Variants in TJP1 observed in about 807,000 individuals in gnomAD.
TJP1 encodes the protein tight junction protein ZO-1.
In TJP1, 43 loss-of-function variants were observed where a neutral mutation model predicts 194.2. That is an observed-to-expected ratio of 0.22 (90% CI 0.17 to 0.29). The LOEUF (loss-of-function observed/expected upper bound fraction) is 0.29. Among genes scored for constraint, TJP1 ranks in the 10% least tolerant of loss-of-function variants. TJP1 has a pLI of 1.00. For missense variants in TJP1, 1,971 were observed against 2,185.7 expected, an observed-to-expected ratio of 0.90 and a Z score of 1.96; for synonymous variants, 801 against 779.0, an observed-to-expected ratio of 1.03 and a Z score of -0.47.
At chr15:29,887,570 G>A (rs1267288864) in intron 2 of TJP1, among the ~76,000 whole-genome samples, 1 of 151,682 alleles carries the variant, frequency 6.6e-6, no homozygotes, top group Non-Finnish European at 1.5e-5. Flanking sequence ...CAAAGTGCTG[G>A]GATTACAGGC....
rs918053836 is a variant in TJP1 at position 29,731,097 on chromosome 15, T to TA, written c.2017+1335dup. On this transcript the variant is annotated intron_variant, in intron 15 of 27. Transcript: ENST00000614355. ...TGTTTTACTTTTTTTTTTTTTTTTT[T>TA]AAGCTATGTTGTTCGCACACAGAAC... The TA allele has an allele frequency of 9.4e-6, 6 of 638,532 alleles. No homozygotes were observed. The African/African-American group carries it at 1.1e-4, about 12-fold the overall frequency. The allele number at this position is 638,532 out of a possible 1,614,324, so 39.6% of individuals were successfully genotyped here.
chr15:29,967,079 C>A (rs535081768), intron 1 of TJP1, among the ~76,000 whole-genome samples: 3 of 150,902 alleles, frequency 2.0e-5, no homozygotes, highest in Non-Finnish European at 4.4e-5. Context: ...AGTGGCATGA[C>A]CTTGGCTCAC....
intron 2 of TJP1, among the ~76,000 whole-genome samples, chr15:29,793,918 G>A (rs955131156): frequency 1.3e-5 from 2 of 152,146 alleles, no homozygotes; most frequent in Admixed American, 1.3e-4. Flanking sequence ...TTGCATCTCT[G>A]TTCAAAGATA....
intron 2 of TJP1, among the ~76,000 whole-genome samples, chr15:29,851,293 A>G (rs528720799): frequency 1.3e-5 from 2 of 152,156 alleles, no homozygotes; most frequent in Non-Finnish European, 2.9e-5. Context: ...AAAATAAGGG[A>G]TATCACTACA....
intron 2 of TJP1, among the ~76,000 whole-genome samples, chr15:29,777,528 T>C (rs7495511): frequency 0.62 from 94,225 of 151,922 alleles, 30,728 homozygotes; most frequent in East Asian, 0.73. Flanking sequence ...ACAAAAGATA[T>C]ATGAGATGTT....
intron 18 of TJP1, among the ~76,000 whole-genome samples, chr15:29,725,433 A>T (rs758099407): frequency 1.3e-5 from 2 of 152,186 alleles, no homozygotes; most frequent in Non-Finnish European, 2.9e-5. Flanking sequence ...CAGGCAGAGG[A>T]AGGTAGGGAC....
At chr15:29,885,588 C>T (rs2053089059) in intron 2 of TJP1, among the ~76,000 whole-genome samples, 1 of 152,210 alleles carries the variant, frequency 6.6e-6, no homozygotes, top group Non-Finnish European at 1.5e-5. Flanking sequence ...ACACTAAAAC[C>T]TGATAAACAA....
chr15:29,708,869 C>A lies in TJP1; in HGVS notation c.4540G>T (p.Glu1514Ter). ...GGAGTGACTGTTTTCTGAGTCTGTT[C>A]AGTTCCATTAACTGGGGCTTTATCT... ...FPDKAPVNGT[E>*]QTQKTVTPAY... Residue 1514 changes from glutamate to a stop codon, truncating the protein, a stop_gained, in exon 25 of 28, where the codon GAA (glutamate) becomes TAA (stop). Coordinates refer to ENST00000614355, the MANE Select transcript of TJP1 (RefSeq NM_001330239.4). LOFTEE classifies it high-confidence loss of function. 6.2e-7 allele frequency: 1 copy of A among 1,614,104 alleles called. No individual in the cohort carries two copies. Among genetic ancestry groups the A allele is most frequent in the Non-Finnish European group, 8.5e-7 (1 of 1,180,028 alleles).
chr15:29,786,122 C>T lies in TJP1; in HGVS notation c.85-12765G>A, dbSNP rs528995001. The stretch of plus-strand genomic sequence containing the variant: ...TACCAACTTGGTAGTTCTCAAAATG[C>T]TGTTCAATCTTCTATGACTGTCAGA... On this transcript the variant is annotated intron_variant, in intron 2 of 27. Transcript: ENST00000614355. Among the ~76,000 whole-genome samples the T allele has an allele frequency of 2.6e-5, 4 of 152,310 alleles. No individual in the cohort carries two copies. In the East Asian group the frequency reaches 5.8e-4, roughly 22 times the overall value.
chr15:29,745,302 G>GA (rs55694243), intron 8 of TJP1, among the ~76,000 whole-genome samples: 31,713 of 135,790 alleles, frequency 0.23, 4,892 homozygotes, highest in African/African-American at 0.45. Flanking sequence ...CCAAAATATT[G>GA]AAAAAAAAAA....
chr15:29,748,967 C>T (rs1222904474), intron 8 of TJP1, among the ~76,000 whole-genome samples: 1 of 11,680 alleles, frequency 8.6e-5, no homozygotes, highest in African/African-American at 1.3e-4. Flanking sequence ...CGTGTGTGCG[C>T]GCGCGCGTTT....
At chr15:29,871,717 C>T (rs927449659) in intron 2 of TJP1, among the ~76,000 whole-genome samples, 2 of 152,346 alleles carry the variant, frequency 1.3e-5, no homozygotes, top group South Asian at 4.1e-4. Flanking sequence ...CTAACGTCAT[C>T]GGACTGCAGC....
chr15:29,855,271 G>A (rs778240270), intron 2 of TJP1, among the ~76,000 whole-genome samples: 5 of 152,186 alleles, frequency 3.3e-5, no homozygotes, highest in Admixed American at 6.5e-5. Flanking sequence ...TTGAGTAACT[G>A]TAAGGTACAA....
intron 2 of TJP1, among the ~76,000 whole-genome samples, chr15:29,862,544 C>T (rs1279777414): frequency 1.3e-5 from 2 of 151,718 alleles, no homozygotes; most frequent in Non-Finnish European, 2.9e-5. Context: ...TAAGTTGAGG[C>T]AAAAGGAAAG....
intron 2 of TJP1, among the ~76,000 whole-genome samples, chr15:29,941,314 A>T (rs1225097768): frequency 6.6e-6 from 1 of 152,130 alleles, no homozygotes; most frequent in East Asian, 1.9e-4. Context: ...CTGACTGCCT[A>T]TGCACTGGTG....
intron 2 of TJP1, among the ~76,000 whole-genome samples, chr15:29,848,962 T>G (rs994690004): frequency 3.3e-5 from 5 of 152,118 alleles, no homozygotes; most frequent in Non-Finnish European, 7.4e-5. Context: ...AATACTCTTT[T>G]TCACATAAGA....
At chr15:29,820,405 C>A in intron 1 of TJP1, 1 of 647,190 alleles carries the variant, frequency 1.5e-6, no homozygotes, top group Admixed American at 2.4e-5. Flanking sequence ...TTTCAACTTG[C>A]CCTTTACTCG....
chr15:29,728,841 A>C (rs561971988), intron 15 of TJP1: 269 of 152,356 alleles, frequency 1.8e-3, no homozygotes, highest in African/African-American at 5.8e-3. Context: ...ATGGGCAAGC[A>C]GGGCAGAATT....
intron 2 of TJP1, among the ~76,000 whole-genome samples, chr15:29,845,760 C>T (rs1290312981): frequency 3.3e-5 from 5 of 152,078 alleles, no homozygotes; most frequent in African/African-American, 4.8e-5. Flanking sequence ...GCTGATATAG[C>T]GCCACTGCAC....
Sources: allele counts gnomAD v4.1 joint callset (sites outside exome capture counted in the v4.1 genomes callset), GRCh38; gene constraint gnomAD v4.1.1; transcripts MANE v1.5; gene names NCBI Gene and HGNC (gene_info 2026-07-23, HGNC 2026-07-21).